Variants in HIPK2 observed in about 807,000 individuals in gnomAD.
HIPK2 encodes homeodomain-interacting protein kinase 2.
HIPK2 carries 27 observed loss-of-function variants against 113.7 expected under a neutral mutation model. The ratio of observed to expected loss-of-function variants is 0.24; its 90% confidence interval spans 0.17 to 0.33. HIPK2 has a LOEUF of 0.33. Among genes scored for constraint, HIPK2 ranks in the 10% least tolerant of loss-of-function variants. The pLI is 1.00. For missense variants in HIPK2, 1,257 were observed against 1,588.0 expected, an observed-to-expected ratio of 0.79 and a Z score of 3.54; for synonymous variants, 631 against 642.2, an observed-to-expected ratio of 0.98 and a Z score of 0.26.
At chr7:139,668,112 G>A (rs62491690) in intron 2 of HIPK2, among the ~76,000 whole-genome samples, 3 of 122,210 alleles carry the variant, frequency 2.5e-5, no homozygotes, top group South Asian at 2.6e-4. Context: ...GGTGACAAGC[G>A]CAAAACTCCA....
intron 2 of HIPK2, among the ~76,000 whole-genome samples, chr7:139,700,491 A>G (rs1794677269): frequency 1.3e-5 from 2 of 152,250 alleles, no homozygotes. Context: ...CTGCTTCAAT[A>G]CAAACTCTTA....
At chr7:139,772,752 A>ATT (rs5887935) in intron 1 of HIPK2, among the ~76,000 whole-genome samples, 52 of 137,922 alleles carry the variant, frequency 3.8e-4, no homozygotes, top group African/African-American at 1.2e-3. Flanking sequence ...ACGCCCAGCT[A>ATT]TTTTTTTTTT....
chr7:139,651,249 C>T (rs1462570132), intron 2 of HIPK2, among the ~76,000 whole-genome samples: 2 of 152,168 alleles, frequency 1.3e-5, no homozygotes, highest in Non-Finnish European at 2.9e-5. Context: ...CTGAGGAGGA[C>T]TTCCAAGCAC....
chr7:139,590,699 T>C (rs540485125), intron 12 of HIPK2, among the ~76,000 whole-genome samples: 3 of 152,326 alleles, frequency 2.0e-5, no homozygotes, highest in Admixed American at 6.5e-5. Context: ...AGAATATGAC[T>C]ACTTTTGGCT....
intron 1 of HIPK2, among the ~76,000 whole-genome samples, chr7:139,773,025 C>A (rs1446556565): frequency 6.6e-6 from 1 of 152,112 alleles, no homozygotes; most frequent in Non-Finnish European, 1.5e-5. Flanking sequence ...ACTTCCCCCA[C>A]CCTGTAAAGT....
chr7:139,659,061 C>T (rs1471755465), intron 2 of HIPK2, among the ~76,000 whole-genome samples: 3 of 135,664 alleles, frequency 2.2e-5, no homozygotes, highest in South Asian at 2.2e-4. Context: ...CTGAGGCCGA[C>T]GGCATGTGGT....
chr7:139,608,856 C>T (rs886461401), intron 9 of HIPK2, among the ~76,000 whole-genome samples: 3 of 152,102 alleles, frequency 2.0e-5, no homozygotes, highest in Non-Finnish European at 2.9e-5. Context: ...TTTTGTATTT[C>T]GAACAGTTTA....
At chr7:139,693,210 C>T (rs540576001) in intron 2 of HIPK2, among the ~76,000 whole-genome samples, 22 of 152,282 alleles carry the variant, frequency 1.4e-4, no homozygotes, top group African/African-American at 4.6e-4. Context: ...GAAAAAATGC[C>T]TTGTGAAGAA....
chr7:139,740,524 A>T (rs899834366), intron 1 of HIPK2, among the ~76,000 whole-genome samples: 1 of 152,238 alleles, frequency 6.6e-6, no homozygotes, highest in Non-Finnish European at 1.5e-5. Context: ...ATTTGCTGTC[A>T]TCCACACACT....
At chr7:139,693,670 A>G (rs144141874) in intron 2 of HIPK2, among the ~76,000 whole-genome samples, 43 of 152,010 alleles carry the variant, frequency 2.8e-4, no homozygotes, top group East Asian at 1.5e-3. Flanking sequence ...CCTCTACTCT[A>G]TATCAGAAGG....
chr7:139,578,048 C>T (rs937484897), intron 13 of HIPK2, among the ~76,000 whole-genome samples: 1 of 151,796 alleles, frequency 6.6e-6, no homozygotes, highest in Non-Finnish European at 1.5e-5. Flanking sequence ...CTCGCTCTGT[C>T]GCCCAGGCTG....
intron 9 of HIPK2, among the ~76,000 whole-genome samples, chr7:139,605,350 A>C (rs373793048): frequency 1.3e-5 from 2 of 152,054 alleles, no homozygotes; most frequent in African/African-American, 4.8e-5. Context: ...ACCACTGCCT[A>C]AAGTTGGACA....
At chr7:139,774,320 G>C (rs768338706) in intron 1 of HIPK2, among the ~76,000 whole-genome samples, 5 of 152,166 alleles carry the variant, frequency 3.3e-5, no homozygotes, top group Non-Finnish European at 5.9e-5. Context: ...AAAGCCCAAA[G>C]TCGTATCACT....
chr7:139,613,133 T>G lies in HIPK2; in HGVS notation c.2112+69A>C. 1 of 1,577,232 alleles carries G rather than the reference T, an allele frequency of 6.3e-7. No individual in the cohort carries two copies. The highest frequency in any genetic ancestry group is 8.7e-7 in the Non-Finnish European group (1 of 1,154,724). ...ACTAGGGAGAGAGGGAGTGGAGATA[T>G]ATATCTTTTGTGAACAACATTAACA... On this transcript the variant is annotated intron_variant, in intron 9 of 14. Transcript: ENST00000406875. The surrounding 1 kb of genome is among the most constrained non-coding windows in gnomAD (Gnocchi z 4.2).
At chr7:139,718,424 G>A (rs2116961436) in intron 1 of HIPK2, among the ~76,000 whole-genome samples, 1 of 152,272 alleles carries the variant, frequency 6.6e-6, no homozygotes, top group Admixed American at 6.5e-5. Context: ...CTCAGTAGAT[G>A]ACCCAACTTC....
intron 2 of HIPK2, among the ~76,000 whole-genome samples, chr7:139,647,378 C>T (rs554156702): frequency 5.9e-5 from 9 of 152,292 alleles, no homozygotes; most frequent in African/African-American, 1.7e-4. Flanking sequence ...ATACCCAATA[C>T]ACAGATGTTT....
At chr7:139,668,730 A>G (rs1193745714) in intron 2 of HIPK2, among the ~76,000 whole-genome samples, 1 of 152,212 alleles carries the variant, frequency 6.6e-6, no homozygotes, top group Non-Finnish European at 1.5e-5. Context: ...TTGTGATTAA[A>G]AGTTACAAAT....
chr7:139,722,390 T>A (rs1795439286), intron 1 of HIPK2, among the ~76,000 whole-genome samples: 1 of 152,352 alleles, frequency 6.6e-6, no homozygotes, highest in African/African-American at 2.4e-5. Context: ...TTTGATATGC[T>A]AAAGGCAATG....
At chr7:139,755,504 A>G (rs1024090444) in intron 1 of HIPK2, among the ~76,000 whole-genome samples, 5 of 152,070 alleles carry the variant, frequency 3.3e-5, no homozygotes, top group African/African-American at 1.2e-4. Flanking sequence ...CTACCATCCT[A>G]CTCTCTCTGA....
Sources: gnomAD v4.1 joint callset for allele counts (sites outside exome capture counted in the v4.1 genomes callset) on GRCh38, gnomAD v4.1.1 for gene constraint, Gnocchi (gnomAD v3.1) non-coding constraint, MANE v1.5 for transcripts, NCBI Gene and HGNC (gene_info 2026-07-23, HGNC 2026-07-21) for gene names.